The following CCDC88B variants were observed in gnomAD, a reference collection of about 807,000 sequenced individuals.
The protein encoded by CCDC88B is coiled-coil and HOOK domain protein 88B, also known as coiled-coil domain-containing protein 88B.
A neutral mutation model predicts 183.7 loss-of-function variants in CCDC88B; 138 were observed. The ratio of observed to expected loss-of-function variants is 0.75; its 90% CI spans 0.65 to 0.87. CCDC88B has a LOEUF of 0.87. Ranked by LOEUF, CCDC88B falls within the 40% of genes least tolerant of loss-of-function variation. CCDC88B has a pLI of 0.00. For missense variants in CCDC88B, 1,822 were observed against 1,965.6 expected (o/e 0.93, Z 1.38); for synonymous variants, 835 against 867.5 (o/e 0.96, Z 0.66).
chr11:64,351,621 G>T lies in CCDC88B; in HGVS notation c.3099+5G>T. On this transcript the variant is annotated splice_donor_5th_base_variant and intron_variant, in intron 18 of 26. Transcript: ENST00000356786. ...GAGCACAGCAGCCGCCTGCAGGTGG[G>T]TGGTGGCCCGGGTGCCCATCCCTGC... The T allele has an allele frequency of 6.4e-7, 1 of 1,558,264 alleles. No individual in the cohort carries two copies. Among genetic ancestry groups the T allele is most frequent in the Non-Finnish European group, 8.6e-7 (1 of 1,159,808 alleles).
Position 64,343,630 on chromosome 11 carries a change from T to G in CCDC88B, c.1318+15T>G. The G allele has an allele frequency of 1.3e-6, 2 of 1,550,006 alleles. No homozygotes were observed. Among genetic ancestry groups the G allele is most frequent in the Non-Finnish European group, 1.7e-6 (2 of 1,145,994 alleles). Reference sequence around the variant, plus strand: ...CCCTGGGGAGGGTGAGGGACCCCACTGGAAGGGCTGGGGTGGGGGCTTCCT... The same window carrying G: ...CCCTGGGGAGGGTGAGGGACCCCACGGGAAGGGCTGGGGTGGGGGCTTCCT... On this transcript the variant is annotated intron_variant, in intron 12 of 26. Coordinates refer to ENST00000356786, the MANE Select transcript of CCDC88B (RefSeq NM_032251.6).
intron 24 of CCDC88B, 101 bp from the exon 25 acceptor site, chr11:64,355,093 T>G: frequency 9.4e-5 from 17 of 181,736 alleles, no homozygotes; most frequent in East Asian, 3.1e-4. Context: ...ACCCCCTCCC[T>G]GCGTGAGCCT....
In CCDC88B at chr11:64,357,212, G is replaced by A. The variant is rs1358478508; in HGVS notation, c.*118G>A. On this transcript the variant is annotated 3_prime_UTR_variant, in exon 27 of 27. Coordinates refer to ENST00000356786, the MANE Select transcript of CCDC88B (RefSeq NM_032251.6). ...GACCCCAAGGGGAGTCCTTGGACAA[G>A]GAGGCCTGGGCCCTGAGATCCTCCA... 4.8e-6 allele frequency: 6 copies of A among 1,242,854 alleles called. No homozygotes were observed. The highest frequency in any genetic ancestry group is 7.1e-6 in the Non-Finnish European group (6 of 846,156). The allele number at this position is 1,242,854 out of a possible 1,614,324, so 77.0% of individuals were successfully genotyped here.
chr11:64,342,149 C>T lies in CCDC88B; in HGVS notation c.821+10C>T, dbSNP rs376988029. 27 of 1,605,872 alleles carry T rather than the reference C, an allele frequency of 1.7e-5. No individual in the cohort carries two copies. The highest frequency in any genetic ancestry group is 5.3e-5 in the African/African-American group (4 of 74,774). ...GTCTGCGGCAGGAGCTGTGAGTGTG[C>T]GCAGCCTGGGAAGGGGACTGAGTGG... On this transcript the variant is annotated intron_variant, in intron 8 of 26. Coordinates refer to ENST00000356786, the MANE Select transcript of CCDC88B (RefSeq NM_032251.6).
rs1766314445 is a variant in CCDC88B at position 64,344,371 on chromosome 11, A to G, written c.1830A>G (p.Pro610=). The change falls in exon 14 of 27, where the codon CCA becomes CCG. Residue 610 remains proline (P), a synonymous_variant. Transcript: ENST00000356786. This position sits in a 1 kb window ranked among gnomAD's most constrained non-coding sequence, Gnocchi z 4.5. The part of the protein sequence containing the change: ...SPASVAPPQG[P]GTKIQAPQLL... ...CCTCTGTGGCCCCACCTCAGGGTCC[A>G]GGGACCAAAATTCAGGCCCCGCAGT... 1.3e-6 allele frequency: 2 copies of G among 1,585,734 alleles called. No homozygotes were observed. Among genetic ancestry groups the G allele is most frequent in the Admixed American group, 1.9e-5 (1 of 53,824 alleles).
At chr11:64,352,074 C>A in intron 18 of CCDC88B, 56 bp from the exon 19 acceptor site, 1 of 1,514,428 alleles carries the variant, frequency 6.6e-7, no homozygotes, top group South Asian at 1.3e-5. Flanking sequence ...GCCTCTCACT[C>A]GATTTCCAGC....
At position 64,353,068 on chromosome 11, in the gene CCDC88B, T is replaced by C; in HGVS notation, c.3515T>C (p.Leu1172Pro). 1 of 1,603,904 alleles carries C rather than the reference T, an allele frequency of 6.2e-7. No individual in the cohort carries two copies. Among genetic ancestry groups the C allele is most frequent in the Non-Finnish European group, 8.5e-7 (1 of 1,175,870 alleles). The change falls in exon 21 of 27, where the codon CTG (leucine) becomes CCG (proline). Residue 1172 changes from leucine to proline, a missense_variant. Leu to Pro is a moderately conservative substitution (Grantham distance 98). Transcript: ENST00000356786. ...TGCCTCCCAAGGGCTCAGATGCTGC[T>C]GGCAGAGTTGTCTCGGGAGCGGGGT... ...QSEHDRAQML[L>P]AELSRERGEL... is the part of the protein sequence containing the mutation.
In CCDC88B at chr11:64,344,619, C is replaced by T. The variant is rs2036026762; in HGVS notation, c.2078C>T (p.Pro693Leu). ...DQRLEGTVRDPAWQKPQQKSE... is the reference protein window; with the variant it reads ...DQRLEGTVRDLAWQKPQQKSE... ...AGGCTGGAAGGGACGGTCAGGGACC[C>T]AGCCTGGCAAAAACCACAGCAGAAG... Residue 693 changes from proline (P) to leucine (L), a missense_variant, in exon 14 of 27, where the codon CCA becomes CTA. Pro to Leu is a moderately conservative substitution (Grantham distance 98). Transcript: ENST00000356786. This position sits in a 1 kb window ranked among gnomAD's most constrained non-coding sequence, Gnocchi z 4.5. 6.2e-7 allele frequency: 1 copy of T among 1,613,094 alleles called. No individual in the cohort carries two copies. Among genetic ancestry groups the T allele is most frequent in the Non-Finnish European group, 8.5e-7 (1 of 1,179,592 alleles).
At chr11:64,352,978 C>A (rs2036400335) in intron 20 of CCDC88B, 76 bp from the exon 21 acceptor site, 1 of 1,504,832 alleles carries the variant, frequency 6.6e-7, no homozygotes, top group South Asian at 1.3e-5. Flanking sequence ...CCTCCCCTCC[C>A]CGGCATAACT....
At position 64,357,380 on chromosome 11, in the gene CCDC88B, A is replaced by T. The variant is rs1202289083; in HGVS notation, c.*286A>T. Reference sequence around the variant, plus strand: ...GGCAGCGGTCTCTGGGGGATCCCCCAGCTGAAGGAGGCTGGCAGGAGTTGG... The same window carrying T: ...GGCAGCGGTCTCTGGGGGATCCCCCTGCTGAAGGAGGCTGGCAGGAGTTGG... On this transcript the variant is annotated 3_prime_UTR_variant, in exon 27 of 27. Coordinates refer to ENST00000356786, the MANE Select transcript of CCDC88B (RefSeq NM_032251.6). 1 of 717,540 alleles carries T rather than the reference A, an allele frequency of 1.4e-6. No homozygotes were observed. Among genetic ancestry groups the T allele is most frequent in the Non-Finnish European group, 2.6e-6 (1 of 385,136 alleles). 44.4% of individuals were successfully genotyped at this position (717,540 alleles called of 1,614,324 possible).
rs1426509002 is a variant in CCDC88B at position 64,343,803 on chromosome 11, G to A, written c.1344G>A (p.Ser448=). The change falls in exon 13 of 27, where the codon TCG becomes TCA. Residue 448 remains serine, a synonymous_variant. Transcript: ENST00000356786. ...CACCCCTAGCAGGAGCGGCCCCCTC[G>A]CTGCAAGATGAGGTGAGGGAGGCAG... ...GEAPLAGAAP[S]LQDEVREAEA... The A allele has an allele frequency of 6.9e-6, 11 of 1,585,478 alleles. No individual in the cohort carries two copies. The highest frequency in any genetic ancestry group is 1.1e-5 in the South Asian group (1 of 87,344).
intron 8 of CCDC88B, 62 bp downstream of exon 8, chr11:64,342,201 AC>A: frequency 6.3e-7 from 1 of 1,588,934 alleles, no homozygotes; most frequent in Non-Finnish European, 8.6e-7. Flanking sequence ...CCTGGATGGG[AC>A]CCTAGCCCTG....
At chr11:64,340,552 G>T (rs769116923) in intron 1 of CCDC88B, 55 bp from the exon 2 acceptor site, 593 of 1,570,974 alleles carry the variant, frequency 3.8e-4, no homozygotes, top group Non-Finnish European at 4.2e-4. Flanking sequence ...GGGGCAGGTC[G>T]GAGGGGCTCA....
chr11:64,353,639 C>G (rs975485132), intron 22 of CCDC88B, 76 bp from the exon 23 acceptor site: 2 of 1,588,374 alleles, frequency 1.3e-6, no homozygotes, highest in Admixed American at 1.7e-5. Context: ...AGTGCGTCCT[C>G]GCTGCAGCTT....
Position 64,357,252 on chromosome 11 carries a change from G to T in CCDC88B, c.*158G>T, listed in dbSNP as rs761503418. The stretch of plus-strand genomic sequence containing the variant: ...GAGATCCTCCACGGTCAGCGCCGGG[G>T]CCCGGAGATGGAGCTGGGACGAGTG... On this transcript the variant is annotated 3_prime_UTR_variant, in exon 27 of 27. Transcript: ENST00000356786. 1.0e-5 allele frequency: 9 copies of T among 869,318 alleles called. No homozygotes were observed. The Middle Eastern group carries it at 1.5e-3, about 144-fold the overall frequency. 53.9% of individuals were successfully genotyped at this position (869,318 alleles called of 1,614,324 possible).
chr11:64,353,261 G>C (rs769403558), intron 21 of CCDC88B, 21 bp downstream of exon 21: 1 of 1,562,280 alleles, frequency 6.4e-7, no homozygotes, highest in East Asian at 2.3e-5. Flanking sequence ...AGGGCCGGTG[G>C]GGGTATGGGC....
intron 16 of CCDC88B, chr11:64,350,017 A>T: frequency 3.7e-6 from 1 of 266,708 alleles, no homozygotes; most frequent in East Asian, 8.2e-5. Context: ...CGGGCTCCAC[A>T]CGGAGGGTGG....
intron 14 of CCDC88B, 97 bp from the exon 15 acceptor site, chr11:64,349,234 C>T: frequency 7.2e-7 from 1 of 1,387,728 alleles, no homozygotes; most frequent in Non-Finnish European, 9.7e-7. Flanking sequence ...CCCAGGATGG[C>T]AGGTCAAGGA....
In CCDC88B at chr11:64,355,282, C is replaced by G. The variant is rs1345398412; in HGVS notation, c.4188C>G (p.Leu1396=). 2 of 1,587,766 alleles carry G rather than the reference C, an allele frequency of 1.3e-6. No individual in the cohort carries two copies. Among genetic ancestry groups the G allele is most frequent in the African/African-American group, 2.7e-5 (2 of 73,952 alleles). ...TGGCAGGCGGGCAGCGGCGGAAACTCAGCTCAAGGTTCCCGGTGGGGCGAA... is the reference window on the plus strand; with the variant it reads ...TGGCAGGCGGGCAGCGGCGGAAACTGAGCTCAAGGTTCCCGGTGGGGCGAA... The part of the protein sequence containing the change: ...ETLAGGQRRK[L]SSRFPVGRSS... Residue 1396 remains leucine, a synonymous_variant, in exon 25 of 27, where the codon CTC becomes CTG. Coordinates refer to ENST00000356786, the MANE Select transcript of CCDC88B (RefSeq NM_032251.6).
Sources: allele counts gnomAD v4.1 joint callset, GRCh38; gene constraint gnomAD v4.1.1; non-coding constraint Gnocchi (gnomAD v3.1); transcripts MANE v1.5; gene names NCBI Gene and HGNC (gene_info 2026-07-23, HGNC 2026-07-21).